FAAH2: variants seen among roughly 807,000 people sequenced by gnomAD.
The protein encoded by FAAH2 is fatty-acid amide hydrolase 2.
FAAH2 carries 60 observed loss-of-function variants against 36.9 expected under a neutral mutation model. The ratio of observed to expected loss-of-function variants is 1.63; its 90% CI spans 1.32 to 2.02. The LOEUF (loss-of-function observed/expected upper bound fraction) is 2.02. Ranked by LOEUF, FAAH2 falls within the 30% of genes most tolerant of loss-of-function variation. The probability of loss-of-function intolerance (pLI) is 0.00; values close to 1 mark genes in which losing one functional copy is unlikely to be tolerated. For synonymous variants in FAAH2, 214 were observed against 143.8 expected (o/e 1.49, Z -3.49); for missense variants, 689 against 397.5 (o/e 1.73, Z -6.23).
intron 3 of FAAH2, among the ~76,000 whole-genome samples, chrX:57,318,396 C>G (rs1013516843): frequency 9.0e-6 from 1 of 111,502 alleles, no homozygotes; most frequent in Non-Finnish European, 1.9e-5. Context: ...CACCTTTACG[C>G]AAATAAACTA....
At chrX:57,242,001 C>T in the FAAH2 span, among the ~76,000 whole-genome samples, 6 of 112,017 alleles carry the variant, frequency 5.4e-5, no homozygotes, top group Admixed American at 9.5e-5. Flanking sequence ...GAAGGGGAGG[C>T]TGTGGGCGCA....
the FAAH2 span, among the ~76,000 whole-genome samples, chrX:57,161,880 C>T: frequency 1.1e-4 from 12 of 110,788 alleles, no homozygotes; most frequent in Non-Finnish European, 1.3e-4. Context: ...AATATTGTTA[C>T]GTGTGAATTT....
chrX:57,337,189 G>T (rs943053301), intron 4 of FAAH2, among the ~76,000 whole-genome samples: 1 of 99,372 alleles, frequency 1.0e-5, no homozygotes, highest in Non-Finnish European at 2.0e-5. Context: ...TCCCAAGACC[G>T]AACCAAGAAA....
chrX:57,278,832 C>A, the FAAH2 span, among the ~76,000 whole-genome samples: 1 of 112,081 alleles, frequency 8.9e-6, no homozygotes, highest in African/African-American at 3.2e-5. Flanking sequence ...GACATTTATG[C>A]AGCTAAGAGG....
intron 4 of FAAH2, among the ~76,000 whole-genome samples, chrX:57,332,393 A>G (rs1324438866): frequency 8.9e-6 from 1 of 112,230 alleles, no homozygotes; most frequent in East Asian, 2.8e-4. Context: ...TTTTACTCCA[A>G]TTCACACAAT....
At chrX:57,394,302 G>T in intron 7 of FAAH2, 4 of 979,480 alleles carry the variant, frequency 4.1e-6, no homozygotes, top group Non-Finnish European at 5.8e-6. Context: ...CCTTCTCCCA[G>T]GGGTGTTGGA....
At chrX:57,319,406 G>A (rs1328189202) in intron 3 of FAAH2, among the ~76,000 whole-genome samples, 1 of 111,635 alleles carries the variant, frequency 9.0e-6, no homozygotes, top group East Asian at 2.8e-4. Context: ...AATCATGAGT[G>A]AACTCCCATT....
the FAAH2 span, among the ~76,000 whole-genome samples, chrX:57,170,219 TTTG>T: frequency 1.5e-4 from 17 of 111,614 alleles, no homozygotes; most frequent in South Asian, 1.5e-3. Context: ...TCACAGAGTA[TTTG>T]TTGTTGTTGT....
chrX:57,428,441 C>G (rs1298790888), intron 7 of FAAH2, among the ~76,000 whole-genome samples: 1 of 111,575 alleles, frequency 9.0e-6, no homozygotes, highest in Non-Finnish European at 1.9e-5. Flanking sequence ...CAAAACAATC[C>G]TATGCAAAAG....
At chrX:57,140,685 C>A in the FAAH2 span, among the ~76,000 whole-genome samples, 2 of 110,325 alleles carry the variant, frequency 1.8e-5, no homozygotes, top group Admixed American at 9.7e-5. Flanking sequence ...TCAGCATCAG[C>A]GATGCAGCTG....
chrX:57,479,252 T>G (rs1208108661), intron 10 of FAAH2, among the ~76,000 whole-genome samples: 2 of 111,790 alleles, frequency 1.8e-5, no homozygotes, highest in African/African-American at 6.5e-5. Flanking sequence ...TTGAAGCAAT[T>G]GTGAATGGGA....
intron 5 of FAAH2, 91 bp from the exon 6 acceptor site, chrX:57,378,560 T>A (rs995230811): frequency 2.8e-6 from 3 of 1,089,452 alleles, no homozygotes; most frequent in Non-Finnish European, 3.7e-6. Context: ...GGAGAAAAAG[T>A]ATTTAAGATA....
the FAAH2 span, among the ~76,000 whole-genome samples, chrX:57,156,068 A>G: frequency 3.6e-5 from 4 of 111,477 alleles, no homozygotes; most frequent in African/African-American, 9.8e-5. Context: ...CTTCCTTCTC[A>G]TATTTCATTC....
chrX:57,400,992 G>A (rs980531420), intron 7 of FAAH2, among the ~76,000 whole-genome samples: 2 of 110,989 alleles, frequency 1.8e-5, no homozygotes, highest in Non-Finnish European at 3.8e-5. Context: ...GTGTGGTGGC[G>A]GGCGCCTGCA....
chrX:57,352,776 G>A (rs2054058895), intron 5 of FAAH2, among the ~76,000 whole-genome samples: 1 of 111,157 alleles, frequency 9.0e-6, no homozygotes, highest in African/African-American at 3.2e-5. Flanking sequence ...CAAGATACAA[G>A]AATCAGCACA....
intron 7 of FAAH2, among the ~76,000 whole-genome samples, chrX:57,391,248 ATTTTC>A (rs2055160455): frequency 1.8e-5 from 2 of 110,311 alleles, no homozygotes; most frequent in African/African-American, 3.3e-5. Context: ...ATTTGCAAAT[ATTTTC>A]TTCTCTTCTG....
chrX:57,180,318 C>A, the FAAH2 span, among the ~76,000 whole-genome samples: 1 of 111,151 alleles, frequency 9.0e-6, no homozygotes, highest in Admixed American at 9.6e-5. Flanking sequence ...TATGAACGAA[C>A]CAATGAGCCA....
At chrX:57,446,681 A>T (rs1197267560) in intron 8 of FAAH2, among the ~76,000 whole-genome samples, 2 of 111,631 alleles carry the variant, frequency 1.8e-5, no homozygotes. Flanking sequence ...TACGTATGTG[A>T]TGTCTTGTTA....
the FAAH2 span, among the ~76,000 whole-genome samples, chrX:57,196,439 T>G: frequency 1.8e-5 from 2 of 111,929 alleles, no homozygotes; most frequent in African/African-American, 6.5e-5. Flanking sequence ...TAAATTCATT[T>G]ATCAGTTTTA....
Sources: allele counts gnomAD v4.1 joint callset (sites outside exome capture counted in the v4.1 genomes callset), GRCh38; gene constraint gnomAD v4.1.1; transcripts MANE v1.5; gene names NCBI Gene and HGNC (gene_info 2026-07-23, HGNC 2026-07-21).